Variants in NKAIN2 observed in about 807,000 individuals in gnomAD.
NKAIN2 encodes sodium/potassium transporting ATPase interacting 2, also known as sodium/potassium-transporting ATPase subunit beta-1-interacting protein 2.
A neutral mutation model predicts 32.6 loss-of-function variants in NKAIN2; 14 were observed. That is an observed-to-expected ratio of 0.43 (90% CI 0.28 to 0.67). The LOEUF is 0.67. NKAIN2 is among the 30% of genes least tolerant of loss of function. The pLI, the probability that NKAIN2 is intolerant of heterozygous loss-of-function variation, is 0.17. For synonymous variants in NKAIN2, 80 were observed against 87.2 expected (o/e 0.92, Z 0.46); for missense variants, 198 against 258.3 (o/e 0.77, Z 1.60).
chr6:123,990,499 T>C (rs1779367856), intron 1 of NKAIN2, among the ~76,000 whole-genome samples: 1 of 152,152 alleles, frequency 6.6e-6, no homozygotes, highest in African/African-American at 2.4e-5. Context: ...GTAAGACTAG[T>C]GCTGTTGTGG....
intron 1 of NKAIN2, among the ~76,000 whole-genome samples, chr6:124,031,899 C>A (rs1042234539): frequency 2.0e-5 from 3 of 152,068 alleles, no homozygotes; most frequent in African/African-American, 7.2e-5. Flanking sequence ...TTTGACCCAG[C>A]AATCCCATTA....
At chr6:124,294,273 C>G (rs1215109755) in intron 2 of NKAIN2, among the ~76,000 whole-genome samples, 2 of 152,030 alleles carry the variant, frequency 1.3e-5, no homozygotes, top group African/African-American at 2.4e-5. Context: ...CAGTACCCAG[C>G]GAGTGAGAAC....
chr6:124,720,063 T>C (rs1313056083), intron 4 of NKAIN2, among the ~76,000 whole-genome samples: 1 of 152,082 alleles, frequency 6.6e-6, no homozygotes, highest in African/African-American at 2.4e-5. Flanking sequence ...AATTTTTTTT[T>C]CCTAGCAATC....
chr6:124,666,796 A>C (rs779178749), intron 4 of NKAIN2, among the ~76,000 whole-genome samples: 1 of 152,142 alleles, frequency 6.6e-6, no homozygotes, highest in African/African-American at 2.4e-5. Flanking sequence ...AAATTTAGTA[A>C]TATAAGGTAA....
chr6:124,781,970 C>T (rs1235885952), intron 4 of NKAIN2, among the ~76,000 whole-genome samples: 1 of 152,122 alleles, frequency 6.6e-6, no homozygotes, highest in Non-Finnish European at 1.5e-5. Flanking sequence ...TTCCTACCTT[C>T]ACTCCCATTC....
chr6:124,648,109 G>C (rs1008130621), intron 3 of NKAIN2, among the ~76,000 whole-genome samples: 2 of 152,170 alleles, frequency 1.3e-5, no homozygotes, highest in African/African-American at 4.8e-5. Context: ...GAAGACCACT[G>C]CAGAAGAGAG....
chr6:124,601,258 T>C (rs1782296137), intron 3 of NKAIN2, among the ~76,000 whole-genome samples: 1 of 152,062 alleles, frequency 6.6e-6, no homozygotes, highest in African/African-American at 2.4e-5. Flanking sequence ...AGTTGTACCA[T>C]TACCATGCTT....
At chr6:123,817,643 C>G (rs1334032203) in intron 1 of NKAIN2, among the ~76,000 whole-genome samples, 1 of 152,094 alleles carries the variant, frequency 6.6e-6, no homozygotes, top group Non-Finnish European at 1.5e-5. Flanking sequence ...ATCCCTTTGA[C>G]CTATGAAAAC....
intron 4 of NKAIN2, among the ~76,000 whole-genome samples, chr6:124,705,682 A>T (rs1448196412): frequency 7.2e-5 from 11 of 152,252 alleles, no homozygotes; most frequent in Non-Finnish European, 1.0e-4. Context: ...CTATAAAAAC[A>T]AGCTTTCTGA....
intron 4 of NKAIN2, among the ~76,000 whole-genome samples, chr6:124,704,168 C>T (rs190663739): frequency 6.6e-6 from 1 of 151,710 alleles, no homozygotes; most frequent in African/African-American, 2.4e-5. Flanking sequence ...AAAAAATGCA[C>T]TGAGGTAAAA....
intron 3 of NKAIN2, among the ~76,000 whole-genome samples, chr6:124,395,389 C>A (rs1357470140): frequency 6.6e-6 from 1 of 152,026 alleles, no homozygotes; most frequent in Non-Finnish European, 1.5e-5. Context: ...ATAGTGTATT[C>A]TTTATTTATG....
intron 1 of NKAIN2, among the ~76,000 whole-genome samples, chr6:124,262,069 A>C (rs1250165533): frequency 3.3e-5 from 5 of 152,050 alleles, no homozygotes; most frequent in African/African-American, 1.2e-4. Context: ...TGTTATTCAC[A>C]CCTGTTTATG....
chr6:124,138,921 G>A (rs1156243493), intron 1 of NKAIN2, among the ~76,000 whole-genome samples: 4 of 150,900 alleles, frequency 2.7e-5, no homozygotes, highest in African/African-American at 7.3e-5. Flanking sequence ...TGAAGACTTG[G>A]GGGGAATGGT....
intron 1 of NKAIN2, among the ~76,000 whole-genome samples, chr6:124,047,962 C>T (rs1010286436): frequency 6.6e-6 from 1 of 151,988 alleles, no homozygotes; most frequent in Admixed American, 6.6e-5. Flanking sequence ...TCCAGCTGGA[C>T]TGAACATTGT....
chr6:124,776,319 T>C (rs111699835), intron 4 of NKAIN2, among the ~76,000 whole-genome samples: 33 of 152,256 alleles, frequency 2.2e-4, no homozygotes, highest in African/African-American at 7.5e-4. Flanking sequence ...AGTACCATGC[T>C]TGAGACTGAC....
intron 1 of NKAIN2, among the ~76,000 whole-genome samples, chr6:124,069,032 TG>T (rs1783319437): frequency 6.6e-6 from 1 of 152,244 alleles, no homozygotes; most frequent in South Asian, 2.1e-4. Flanking sequence ...CAATTTTTTT[TG>T]TTTCCTTTTT....
intron 1 of NKAIN2, among the ~76,000 whole-genome samples, chr6:124,223,370 T>A (rs1298686880): frequency 2.0e-5 from 3 of 151,880 alleles, no homozygotes; most frequent in Non-Finnish European, 4.4e-5. Flanking sequence ...AGGAAAATAA[T>A]TGATGATGCC....
At chr6:124,612,247 GA>G (rs908185649) in intron 3 of NKAIN2, among the ~76,000 whole-genome samples, 160 of 147,702 alleles carry the variant, frequency 1.1e-3, no homozygotes, top group African/African-American at 2.8e-3. Context: ...CTGCTAGGGG[GA>G]AAAAAAAATA....
At chr6:123,997,271 G>A (rs1252352486) in intron 1 of NKAIN2, among the ~76,000 whole-genome samples, 1 of 152,086 alleles carries the variant, frequency 6.6e-6, no homozygotes, top group Non-Finnish European at 1.5e-5. Context: ...CAATATTCTG[G>A]TGACTGTTCT....
Sources: allele counts gnomAD v4.1 joint callset (sites outside exome capture counted in the v4.1 genomes callset), GRCh38; gene constraint gnomAD v4.1.1; transcripts MANE v1.5; gene names NCBI Gene and HGNC (gene_info 2026-07-23, HGNC 2026-07-21).